SH3BGRL2: variants seen among roughly 807,000 people sequenced by gnomAD.
SH3BGRL2 encodes SH3 domain binding glutamate rich protein like 2.
A neutral mutation model predicts 14.8 loss-of-function variants in SH3BGRL2; 21 were observed. The ratio of observed to expected loss-of-function variants is 1.42; its 90% CI spans 1.01 to 2.05. SH3BGRL2 has a LOEUF of 2.05. Among genes scored for constraint, SH3BGRL2 ranks in the 30% most tolerant of loss-of-function variants. SH3BGRL2 has a pLI of 0.00. For missense variants in SH3BGRL2, 147 were observed against 130.8 expected, an observed-to-expected ratio of 1.12 and a Z score of -0.61; for synonymous variants, 50 against 47.8, an observed-to-expected ratio of 1.05 and a Z score of -0.19.
At chr6:79,665,143 T>C (rs937266239) in intron 1 of SH3BGRL2, among the ~76,000 whole-genome samples, 6 of 152,146 alleles carry the variant, frequency 3.9e-5, no homozygotes, top group Non-Finnish European at 8.8e-5. Context: ...GAGTTTGCAG[T>C]GAGCTGAGAT....
chr6:79,537,908 T>C, the SH3BGRL2 span, among the ~76,000 whole-genome samples: 1 of 151,302 alleles, frequency 6.6e-6, no homozygotes, highest in Non-Finnish European at 1.5e-5. Flanking sequence ...TGTTCCTGCC[T>C]CGAGATCCTG....
the SH3BGRL2 span, among the ~76,000 whole-genome samples, chr6:79,576,567 A>G: frequency 6.6e-6 from 1 of 152,146 alleles, no homozygotes; most frequent in African/African-American, 2.4e-5. Context: ...CTTTTTAAAG[A>G]TCTTATATTT....
chr6:79,610,950 A>T, the SH3BGRL2 span, among the ~76,000 whole-genome samples: 1 of 152,246 alleles, frequency 6.6e-6, no homozygotes, highest in Non-Finnish European at 1.5e-5. Context: ...TCTGTATTCT[A>T]GTCTTGGATT....
At chr6:79,618,030 T>G in the SH3BGRL2 span, among the ~76,000 whole-genome samples, 555 of 152,360 alleles carry the variant, frequency 3.6e-3, 3 homozygotes, top group Middle Eastern at 0.014. Context: ...TTATGTAGAT[T>G]ATTTAATAAG....
the SH3BGRL2 span, among the ~76,000 whole-genome samples, chr6:79,557,035 T>C: frequency 6.6e-6 from 1 of 151,766 alleles, no homozygotes. Flanking sequence ...ATCCAAAATA[T>C]ATATATATAC....
At chr6:79,636,899 A>G (rs1768935551) in intron 1 of SH3BGRL2, among the ~76,000 whole-genome samples, 1 of 152,180 alleles carries the variant, frequency 6.6e-6, no homozygotes, top group African/African-American at 2.4e-5. Flanking sequence ...TACCTTGATT[A>G]TCTGCAAACA....
chr6:79,554,242 A>G, the SH3BGRL2 span, among the ~76,000 whole-genome samples: 3 of 152,266 alleles, frequency 2.0e-5, no homozygotes, highest in African/African-American at 7.2e-5. Context: ...GTGTATTAAT[A>G]CCATATCATT....
At chr6:79,641,148 TTTTGTGTG>T (rs1318450884) in intron 1 of SH3BGRL2, among the ~76,000 whole-genome samples, 43 of 114,400 alleles carry the variant, frequency 3.8e-4, no homozygotes, top group African/African-American at 1.4e-3. Flanking sequence ...TCTCTCACCC[TTTTGTGTG>T]TGTGTGTGTG....
the SH3BGRL2 span, among the ~76,000 whole-genome samples, chr6:79,563,351 A>AC: frequency 4.7e-5 from 7 of 149,764 alleles, no homozygotes; most frequent in Non-Finnish European, 7.4e-5. Flanking sequence ...GACCTCGTTA[A>AC]CCCCCCCGCC....
At chr6:79,629,200 C>T (rs1194158736), upstream of SH3BGRL2, among the ~76,000 whole-genome samples, 1 of 152,196 alleles carries the variant, frequency 6.6e-6, no homozygotes, top group African/African-American at 2.4e-5. Context: ...TTATCTCCAA[C>T]TCTTTTTTAC....
At chr6:79,564,512 T>A in the SH3BGRL2 span, among the ~76,000 whole-genome samples, 4 of 152,198 alleles carry the variant, frequency 2.6e-5, no homozygotes, top group African/African-American at 7.2e-5. Context: ...ACACAGCAAG[T>A]GGTAAAGCTA....
intron 1 of SH3BGRL2, among the ~76,000 whole-genome samples, chr6:79,661,291 C>T (rs1769541809): frequency 6.6e-6 from 1 of 152,180 alleles, no homozygotes; most frequent in Non-Finnish European, 1.5e-5. Context: ...TCCCTCTAGA[C>T]ACTGCTTTAA....
At chr6:79,670,838 C>G (rs1332040200) in intron 1 of SH3BGRL2, among the ~76,000 whole-genome samples, 1 of 152,138 alleles carries the variant, frequency 6.6e-6, no homozygotes, top group Non-Finnish European at 1.5e-5. Flanking sequence ...TTCTGCACCT[C>G]CAGGCACCAT....
chr6:79,615,768 A>G, the SH3BGRL2 span, among the ~76,000 whole-genome samples: 3 of 151,268 alleles, frequency 2.0e-5, no homozygotes, highest in African/African-American at 7.3e-5. Flanking sequence ...TTTTTTTCTA[A>G]CATTGTGTAT....
the SH3BGRL2 span, among the ~76,000 whole-genome samples, chr6:79,565,866 G>T: frequency 3.9e-5 from 6 of 152,302 alleles, no homozygotes; most frequent in Non-Finnish European, 8.8e-5. Flanking sequence ...TCTTACTCAT[G>T]CTCATGAAAT....
At chr6:79,593,744 A>C in the SH3BGRL2 span, among the ~76,000 whole-genome samples, 1 of 152,244 alleles carries the variant, frequency 6.6e-6, no homozygotes, top group Non-Finnish European at 1.5e-5. Flanking sequence ...AGTAGTGCCA[A>C]TGTATATTGC....
At chr6:79,629,224 T>G (rs2127720708), upstream of SH3BGRL2, among the ~76,000 whole-genome samples, 1 of 152,352 alleles carries the variant, frequency 6.6e-6, no homozygotes, top group South Asian at 2.1e-4. Context: ...TTCTCTGTTG[T>G]TCTCTTTCTA....
intron 2 of SH3BGRL2, among the ~76,000 whole-genome samples, chr6:79,674,424 CTTGCGTACTCCTTAGG>C (rs1462356442): frequency 6.6e-6 from 1 of 152,140 alleles, no homozygotes. Context: ...TATTTACCTA[CTTGCGTACTCCTTAGG>C]TTAAGAAAAA....
At chr6:79,584,166 A>G in the SH3BGRL2 span, among the ~76,000 whole-genome samples, 1 of 152,100 alleles carries the variant, frequency 6.6e-6, no homozygotes, top group South Asian at 2.1e-4. Flanking sequence ...TATATTTTCT[A>G]CTTTTTGCCA....
Sources: allele counts gnomAD v4.1 joint callset (sites outside exome capture counted in the v4.1 genomes callset), GRCh38; gene constraint gnomAD v4.1.1; transcripts MANE v1.5; gene names NCBI Gene and HGNC (gene_info 2026-07-23, HGNC 2026-07-21).